TREH: variants seen among roughly 807,000 people sequenced by gnomAD.
The protein encoded by TREH is trehalase, also known as alpha,alpha-trehalose glucohydrolase.
In TREH, 69 loss-of-function variants were observed where a neutral mutation model predicts 80.5. The ratio of observed to expected loss-of-function variants is 0.86; its 90% CI spans 0.71 to 1.05. TREH has a LOEUF of 1.05. Ranked by LOEUF, TREH falls within the 50% of genes least tolerant of loss-of-function variation. The pLI is 0.00. For missense variants in TREH, 716 were observed against 718.8 expected, an observed-to-expected ratio of 1.00 and a Z score of 0.04; for synonymous variants, 309 against 293.5, an observed-to-expected ratio of 1.05 and a Z score of -0.54.
At position 118,658,070 on chromosome 11, in the gene TREH, G is replaced by C; in HGVS notation, c.*219C>G. Reference sequence around the variant, plus strand: ...TGTGGGGCTTGGCGCTGAGGCACTTGGGGATAGGTCTTCCCTCCAGAGCAG... The same window carrying C: ...TGTGGGGCTTGGCGCTGAGGCACTTCGGGATAGGTCTTCCCTCCAGAGCAG... On this transcript the variant is annotated 3_prime_UTR_variant, in exon 15 of 15. Transcript: ENST00000264029. 1.6e-6 allele frequency: 1 copy of C among 613,916 alleles called. No homozygotes were observed. The highest frequency in any genetic ancestry group is 2.8e-6 in the Non-Finnish European group (1 of 360,012). 38.0% of individuals were successfully genotyped at this position (613,916 alleles called of 1,614,324 possible).
At position 118,660,604 on chromosome 11, in the gene TREH, G is replaced by A; in HGVS notation, c.1037C>T (p.Pro346Leu). Residue 346 changes from proline to leucine, a missense_variant, in exon 10 of 15, where the codon CCT becomes CTT. Physicochemically the swap from Pro to Leu is moderately conservative, Grantham distance 98. Coordinates refer to ENST00000264029, the MANE Select transcript of TREH (RefSeq NM_007180.3). ...GCATAGGAAGGCATTCAGGTCAACA[G>A]GCACCAGTTTGCTTGTTCGGATGCC... ...LSGIRTSKLVPVDLNAFLCQA... is the reference protein window; with the variant it reads ...LSGIRTSKLVLVDLNAFLCQA... 1 of 1,610,766 alleles carries A rather than the reference G, an allele frequency of 6.2e-7. No individual in the cohort carries two copies. Among genetic ancestry groups the A allele is most frequent in the East Asian group, 2.2e-5 (1 of 44,776 alleles).
intron 1 of TREH, among the ~76,000 whole-genome samples, chr11:118,679,250 T>C (rs1949510204): frequency 6.6e-6 from 1 of 151,956 alleles, no homozygotes; most frequent in South Asian, 2.1e-4. Context: ...GGCACGAGAA[T>C]CTCTCGAACC....
intron 1 of TREH, among the ~76,000 whole-genome samples, chr11:118,672,288 C>T (rs1456776544): frequency 2.6e-5 from 4 of 151,982 alleles, no homozygotes; most frequent in Non-Finnish European, 5.9e-5. Context: ...GTCCCAGGTA[C>T]TGAGGAGGCT....
intron 1 of TREH, 91 bp from the exon 2 acceptor site, chr11:118,663,530 G>T: frequency 9.4e-7 from 1 of 1,058,446 alleles, no homozygotes; most frequent in Non-Finnish European, 1.4e-6. Context: ...GACTGGTCAA[G>T]GCATGTTCCC....
chr11:118,673,489 C>T (rs565211728), intron 1 of TREH, among the ~76,000 whole-genome samples: 32 of 152,302 alleles, frequency 2.1e-4, no homozygotes, highest in African/African-American at 6.0e-4. Flanking sequence ...TGTGCCTCAG[C>T]GGGAAAACAG....
chr11:118,676,060 A>G (rs782200783), intron 1 of TREH, among the ~76,000 whole-genome samples: 2 of 152,192 alleles, frequency 1.3e-5, no homozygotes, highest in Non-Finnish European at 2.9e-5. Context: ...CATACGCATG[A>G]TTGATTGAAT....
Position 118,660,733 on chromosome 11 carries a change from C to T in TREH, c.908G>A (p.Gly303Glu), listed in dbSNP as rs782202854. 1 of 1,573,746 alleles carries T rather than the reference C, an allele frequency of 6.4e-7. No individual in the cohort carries two copies. The highest frequency in any genetic ancestry group is 1.2e-5 in the South Asian group (1 of 86,188). Residue 303 changes from glycine to glutamate, a missense_variant and splice_region_variant, in exon 10 of 15, where the codon GGA (glycine) becomes GAA (glutamate). Physicochemically the swap from Gly to Glu is moderately conservative, Grantham distance 98 (BLOSUM62 -2). Coordinates refer to ENST00000264029, the MANE Select transcript of TREH (RefSeq NM_007180.3). Reference protein sequence around the residue: ...DVELADTLPEGDREALWAELK... With the variant: ...DVELADTLPEEDREALWAELK... ...CTCAGCCCACAGAGCCTCCCGGTCTCCTGTGAGGACAGAGCAGGGAACCAG... is the reference window on the plus strand; with the variant it reads ...CTCAGCCCACAGAGCCTCCCGGTCTTCTGTGAGGACAGAGCAGGGAACCAG...
intron 1 of TREH, among the ~76,000 whole-genome samples, chr11:118,676,785 G>GGAA (rs1392837693): frequency 5.3e-4 from 77 of 145,262 alleles, no homozygotes; most frequent in African/African-American, 1.8e-3. Flanking sequence ...AAAAAAGAAA[G>GGAA]AAAAAAACAA....
At chr11:118,669,045 A>G (rs1454534292) in intron 1 of TREH, among the ~76,000 whole-genome samples, 1 of 152,212 alleles carries the variant, frequency 6.6e-6, no homozygotes. Flanking sequence ...TAAGTAAGAA[A>G]AGAAGTAAAA....
At position 118,661,697 on chromosome 11, in the gene TREH, A is replaced by T. The variant is rs782594386; in HGVS notation, c.557T>A (p.Leu186His). The change falls in exon 6 of 15, where the codon CTC becomes CAC. Residue 186 changes from leucine (L) to histidine (H), a missense_variant. Coordinates refer to ENST00000264029, the MANE Select transcript of TREH (RefSeq NM_007180.3). This position sits in a 1 kb window ranked among gnomAD's most constrained non-coding sequence, Gnocchi z 4.2. ...DSYWVMEGLL[L>H]SEMAETVKGM... The stretch of plus-strand genomic sequence containing the variant: ...CTTCACCGTCTCAGCCATCTCTGAG[A>T]GGAGCAGACCCTCCATGACCCAGTA... 1 of 1,613,966 alleles carries T rather than the reference A, an allele frequency of 6.2e-7. No individual in the cohort carries two copies. The highest frequency in any genetic ancestry group is 1.7e-5 in the Admixed American group (1 of 60,028).
chr11:118,663,257 G>A (rs1949345315), intron 2 of TREH, 61 bp from the exon 3 acceptor site: 1 of 1,567,162 alleles, frequency 6.4e-7, no homozygotes, highest in Non-Finnish European at 8.7e-7. Flanking sequence ...CTAATCACAG[G>A]GGCCTCTCTA....
chr11:118,679,581 A>G lies in TREH; in HGVS notation c.47T>C (p.Leu16Pro). 1.9e-6 allele frequency: 3 copies of G among 1,553,212 alleles called. No homozygotes were observed. Among genetic ancestry groups the G allele is most frequent in the Non-Finnish European group, 2.6e-6 (3 of 1,146,318 alleles). The change falls in exon 1 of 15, where the codon CTG (leucine) becomes CCG (proline). Residue 16 changes from leucine (L) to proline (P), a missense_variant. Transcript: ENST00000264029. ...TAGGGCCTCCTGGGACCCCAGTCCCAGCCCCAGCAGCAGTAGCAGGCACAG... is the reference window on the plus strand; with the variant it reads ...TAGGGCCTCCTGGGACCCCAGTCCCGGCCCCAGCAGCAGTAGCAGGCACAG... Reference protein sequence around the residue: ...WELCLLLLLGLGLGSQEALPP... With the variant: ...WELCLLLLLGPGLGSQEALPP...
At chr11:118,662,545 C>T (rs1366448125) in intron 4 of TREH, among the ~76,000 whole-genome samples, 9 of 152,250 alleles carry the variant, frequency 5.9e-5, no homozygotes, top group Non-Finnish European at 8.8e-5. Flanking sequence ...AGGCCTGGCC[C>T]AGGAGCTCAG....
At position 118,657,654 on chromosome 11, in the gene TREH, C is replaced by A; in HGVS notation, c.*635G>T. ...GGATGAAGCCGGGGGATCTATGGAA[C>A]AGAGGAGGAGCGATGCAGTTGGGAG... On this transcript the variant is annotated 3_prime_UTR_variant, in exon 15 of 15. Transcript: ENST00000264029. The A allele has an allele frequency of 6.5e-6, 1 of 153,836 alleles. No homozygotes were observed. The highest frequency in any genetic ancestry group is 1.5e-5 in the Non-Finnish European group (1 of 68,886). 9.5% of individuals were successfully genotyped at this position (153,836 alleles called of 1,614,324 possible).
At chr11:118,666,219 T>G in intron 1 of TREH, among the ~76,000 whole-genome samples, 1 of 149,076 alleles carries the variant, frequency 6.7e-6, no homozygotes. Flanking sequence ...GGCAATGGAG[T>G]AAAACTCCAT....
Position 118,679,620 on chromosome 11 carries a change from C to A in TREH, c.8G>T (p.Gly3Val). 6.5e-7 allele frequency: 1 copy of A among 1,527,060 alleles called. No homozygotes were observed. Among genetic ancestry groups the A allele is most frequent in the East Asian group, 2.4e-5 (1 of 40,994 alleles). The allele number at this position is 1,527,060 out of a possible 1,614,324, so 94.6% of individuals were successfully genotyped here. Residue 3 changes from glycine (G) to valine (V), a missense_variant, in exon 1 of 15, where the codon GGG (glycine) becomes GTG (valine). Gly to Val is a moderately radical substitution (Grantham distance 109). Transcript: ENST00000264029. MP[G>V]RTWELCLLLL... Reference sequence around the variant, plus strand: ...TAGCAGGCACAGCTCCCAGGTCCTCCCTGGCATGGTGGCTGTGACTGTGAC... The same window carrying A: ...TAGCAGGCACAGCTCCCAGGTCCTCACTGGCATGGTGGCTGTGACTGTGAC...
chr11:118,659,577 C>A, intron 11 of TREH, 96 bp from the exon 12 acceptor site: 1 of 1,364,862 alleles, frequency 7.3e-7, no homozygotes. Context: ...CGTCCCCTTC[C>A]TGGCTCTTCT....
At position 118,678,150 on chromosome 11, in the gene TREH, G is replaced by C. The variant is rs536729270; in HGVS notation, c.89+1389C>G. On this transcript the variant is annotated intron_variant, in intron 1 of 14. Coordinates refer to ENST00000264029, the MANE Select transcript of TREH (RefSeq NM_007180.3). Reference sequence around the variant, plus strand: ...CTTCGTCCCAATCCCTGAACAGTGCGTCAGGGCCTCTGCATGGCCCTTTCC... The same window carrying C: ...CTTCGTCCCAATCCCTGAACAGTGCCTCAGGGCCTCTGCATGGCCCTTTCC... Among the ~76,000 whole-genome samples the C allele has an allele frequency of 5.0e-4, 76 of 152,176 alleles. 1 individual carries two copies. The highest frequency in any genetic ancestry group is 9.2e-4 in the Admixed American group (14 of 15,286).
In TREH at chr11:118,662,957, AG is replaced by A; in HGVS notation, c.346del (p.Leu116CysfsTer27). On this transcript the variant is annotated frameshift_variant, in exon 4 of 15. Coordinates refer to ENST00000264029, the MANE Select transcript of TREH (RefSeq NM_007180.3). LOFTEE classifies it high-confidence loss of function. ...CAGTTTGGCATCTGAAATCTTCTGC[AG>A]GAACTGGGGGCTGAAAGAACACAGG... ...PADWKDSPQF[L>X]QKISDAKLRA... The A allele has an allele frequency of 1.2e-6, 2 of 1,612,702 alleles. No individual in the cohort carries two copies. The highest frequency in any genetic ancestry group is 1.7e-6 in the Non-Finnish European group (2 of 1,179,300).
Sources: gnomAD v4.1 joint callset for allele counts (sites outside exome capture counted in the v4.1 genomes callset) on GRCh38, gnomAD v4.1.1 for gene constraint, Gnocchi (gnomAD v3.1) non-coding constraint, MANE v1.5 for transcripts, NCBI Gene and HGNC (gene_info 2026-07-23, HGNC 2026-07-21) for gene names.